Variants in CAMK1D observed in about 807,000 individuals in gnomAD.
The protein encoded by CAMK1D is calcium/calmodulin dependent protein kinase ID, also known as calcium/calmodulin-dependent protein kinase type 1D.
A neutral mutation model predicts 47.7 loss-of-function variants in CAMK1D; 9 were observed. The ratio of observed to expected loss-of-function variants is 0.19; its 90% CI spans 0.11 to 0.33. CAMK1D has a LOEUF of 0.33. CAMK1D is among the 10% of genes least tolerant of loss of function. CAMK1D has a pLI of 1.00. For synonymous variants in CAMK1D, 184 were observed against 184.9 expected, an observed-to-expected ratio of 0.99 and a Z score of 0.04; for missense variants, 291 against 488.7, an observed-to-expected ratio of 0.60 and a Z score of 3.81.
chr10:12,387,347 TTATATTTTATATATATAA>T (rs1838528801), intron 1 of CAMK1D, among the ~76,000 whole-genome samples: 1 of 132,692 alleles, frequency 7.5e-6, no homozygotes, highest in Non-Finnish European at 1.6e-5. Flanking sequence ...GATATATATA[TTATATTTTATATATATAA>T]TATATATATT....
intron 1 of CAMK1D, among the ~76,000 whole-genome samples, chr10:12,387,054 A>C (rs1398259952): frequency 1.3e-5 from 2 of 151,594 alleles, no homozygotes; most frequent in Non-Finnish European, 2.9e-5. Context: ...ATACAAAAAA[A>C]TTAGCCAGGT....
intron 1 of CAMK1D, among the ~76,000 whole-genome samples, chr10:12,421,510 T>G (rs1840048330): frequency 1.1e-5 from 1 of 89,834 alleles, no homozygotes; most frequent in African/African-American, 4.3e-5. Context: ...TATCCAGGAT[T>G]CTTTTTTTTT....
At position 12,747,232 on chromosome 10, in the gene CAMK1D, G is replaced by A. The variant is rs548722638; in HGVS notation, c.300-13716G>A. Reference sequence around the variant, plus strand: ...TTTTTAGTAGAGACGGGGTTTCACCGTGTTGGCCAGAATGGTCTTGATCTC... The same window carrying A: ...TTTTTAGTAGAGACGGGGTTTCACCATGTTGGCCAGAATGGTCTTGATCTC... On this transcript the variant is annotated intron_variant, in intron 3 of 10. Coordinates refer to ENST00000619168, the MANE Select transcript of CAMK1D (RefSeq NM_153498.4). Among the ~76,000 whole-genome samples, 218 of 152,106 alleles carry A rather than the reference G, an allele frequency of 1.4e-3. 3 individuals carry two copies. Among genetic ancestry groups the A allele is most frequent in the African/African-American group, 5.1e-3 (210 of 41,526 alleles).
At chr10:12,411,241 C>T (rs1389482880) in intron 1 of CAMK1D, among the ~76,000 whole-genome samples, 1 of 152,160 alleles carries the variant, frequency 6.6e-6, no homozygotes, top group Non-Finnish European at 1.5e-5. Flanking sequence ...TAAGGCTTGG[C>T]AGAATGCGGA....
chr10:12,562,773 C>G (rs1172217412), intron 2 of CAMK1D, among the ~76,000 whole-genome samples: 1 of 152,156 alleles, frequency 6.6e-6, no homozygotes, highest in African/African-American at 2.4e-5. Context: ...GCCATGGGAT[C>G]TCTGCTGCTC....
At chr10:12,521,936 C>G (rs1239200251) in intron 1 of CAMK1D, among the ~76,000 whole-genome samples, 1 of 151,892 alleles carries the variant, frequency 6.6e-6, no homozygotes, top group Non-Finnish European at 1.5e-5. Flanking sequence ...TTCTCCCATC[C>G]TTTTAACTGA....
intron 3 of CAMK1D, among the ~76,000 whole-genome samples, chr10:12,701,597 T>C (rs1348283151): frequency 1.3e-5 from 2 of 152,208 alleles, no homozygotes; most frequent in African/African-American, 2.4e-5. Flanking sequence ...ATGTCTGTGA[T>C]GATCACCCCA....
intron 1 of CAMK1D, among the ~76,000 whole-genome samples, chr10:12,511,309 T>G (rs1384339280): frequency 2.0e-5 from 3 of 152,072 alleles, no homozygotes; most frequent in African/African-American, 7.2e-5. Context: ...CTTTAAAAAT[T>G]AATATCCATG....
intron 1 of CAMK1D, among the ~76,000 whole-genome samples, chr10:12,529,381 A>G (rs1216134275): frequency 6.6e-6 from 1 of 152,196 alleles, no homozygotes; most frequent in East Asian, 1.9e-4. Context: ...GGTACCTGCC[A>G]TATACGAATG....
chr10:12,656,126 G>A (rs2132523872), intron 2 of CAMK1D, among the ~76,000 whole-genome samples: 1 of 152,292 alleles, frequency 6.6e-6, no homozygotes, highest in African/African-American at 2.4e-5. Flanking sequence ...CCAGAATGTG[G>A]TCATAGTGTC....
At chr10:12,694,257 T>TAATATAAAATATATATTATATATAA (rs1833127609) in intron 3 of CAMK1D, among the ~76,000 whole-genome samples, 1 of 75,812 alleles carries the variant, frequency 1.3e-5, no homozygotes, top group Non-Finnish European at 2.2e-5. Context: ...ATATTATGTA[T>TAATATAAAATATATATTATATATAA]AATATATAAT....
At chr10:12,505,584 G>A (rs1834845554) in intron 1 of CAMK1D, among the ~76,000 whole-genome samples, 1 of 152,140 alleles carries the variant, frequency 6.6e-6, no homozygotes, top group Non-Finnish European at 1.5e-5. Context: ...CTTAGATTGT[G>A]CTCATCAAAA....
At chr10:12,808,712 A>G (rs1386060015) in intron 6 of CAMK1D, among the ~76,000 whole-genome samples, 3 of 152,158 alleles carry the variant, frequency 2.0e-5, no homozygotes, top group Admixed American at 1.3e-4. Context: ...CAGGAGGTGG[A>G]GGTTTCGGTG....
intron 1 of CAMK1D, among the ~76,000 whole-genome samples, chr10:12,390,131 C>T (rs1391772072): frequency 1.3e-5 from 2 of 152,182 alleles, no homozygotes; most frequent in African/African-American, 4.8e-5. Context: ...TTATAAAGCG[C>T]TTGTACTGCA....
chr10:12,379,953 G>A (rs756168187), intron 1 of CAMK1D, among the ~76,000 whole-genome samples: 10 of 152,054 alleles, frequency 6.6e-5, no homozygotes, highest in African/African-American at 2.4e-4. Flanking sequence ...GGTGGCTCAC[G>A]CCTGTAATAC....
intron 1 of CAMK1D, among the ~76,000 whole-genome samples, chr10:12,504,118 T>A (rs1834793520): frequency 7.0e-6 from 1 of 143,252 alleles, no homozygotes; most frequent in Non-Finnish European, 1.5e-5. Flanking sequence ...GGTGTGTGTG[T>A]GTGTGTGTGT....
intron 1 of CAMK1D, among the ~76,000 whole-genome samples, chr10:12,390,896 G>A (rs1331036809): frequency 6.6e-6 from 1 of 151,942 alleles, no homozygotes; most frequent in Admixed American, 6.6e-5. Context: ...TCAAGCGTGC[G>A]TGAATAAGAG....
intron 2 of CAMK1D, among the ~76,000 whole-genome samples, chr10:12,651,470 C>T (rs979968766): frequency 3.3e-5 from 5 of 152,120 alleles, no homozygotes; most frequent in Non-Finnish European, 5.9e-5. Context: ...TGGTTCATTG[C>T]GGCCTCAACT....
rs1832717647 is a variant in CAMK1D at position 12,814,326 on chromosome 10, G to A, written c.754+19G>A. 2.0e-6 allele frequency: 3 copies of A among 1,523,936 alleles called. No individual in the cohort carries two copies. The highest frequency in any genetic ancestry group is 2.3e-5 in the East Asian group (1 of 44,404). 94.4% of individuals were successfully genotyped at this position (1,523,936 alleles called of 1,614,324 possible). The stretch of plus-strand genomic sequence containing the variant: ...GACTCTGGTAGGTCTCCCATAGGCA[G>A]CTCCCAGTGGGCGGCCCCCGCGACA... On this transcript the variant is annotated intron_variant, in intron 7 of 10. Transcript: ENST00000619168.
Sources: gnomAD v4.1 joint callset for allele counts (sites outside exome capture counted in the v4.1 genomes callset) on GRCh38, gnomAD v4.1.1 for gene constraint, MANE v1.5 for transcripts, NCBI Gene and HGNC (gene_info 2026-07-23, HGNC 2026-07-21) for gene names.